SRRM4: variants seen among roughly 807,000 people sequenced by gnomAD.
The protein encoded by SRRM4 is serine/arginine repetitive matrix protein 4.
SRRM4 carries 33 observed loss-of-function variants against 68.9 expected under a neutral mutation model. The ratio of observed to expected loss-of-function variants is 0.48; its 90% CI spans 0.36 to 0.64. The LOEUF is 0.64. Ranked by LOEUF, SRRM4 falls within the 30% of genes least tolerant of loss-of-function variation. The pLI is 0.00. For missense variants in SRRM4, 817 were observed against 827.1 expected, an observed-to-expected ratio of 0.99 and a Z score of 0.15; for synonymous variants, 318 against 318.8, an observed-to-expected ratio of 1.00 and a Z score of 0.03.
In SRRM4 at chr12:119,130,747, C is replaced by T. The variant is rs765927180; in HGVS notation, c.684C>T (p.Thr228=). 6.2e-7 allele frequency: 1 copy of T among 1,611,392 alleles called. No individual in the cohort carries two copies. Among genetic ancestry groups the T allele is most frequent in the Non-Finnish European group, 8.5e-7 (1 of 1,179,852 alleles). The change falls in exon 8 of 13, where the codon ACC becomes ACT. Residue 228 remains threonine, a synonymous_variant. Transcript: ENST00000267260. ...RRRHSRRCSK[T]LCKDSPEAQS... ...GGCACTCCCGCCGCTGCTCCAAGAC[C>T]CTCTGCAAGGACAGCCCTGAGGCCC... is the stretch of plus-strand genomic sequence containing the variant.
At chr12:119,120,403 T>G in intron 5 of SRRM4, 127 bp downstream of exon 5, 1 of 988,636 alleles carries the variant, frequency 1.0e-6, no homozygotes, top group African/African-American at 1.7e-5. Context: ...TTCCTGGGCC[T>G]CAGTTTCCTC....
chr12:119,132,929 G>C (rs1232512017), intron 8 of SRRM4: 2 of 152,160 alleles, frequency 1.3e-5, no homozygotes, highest in Non-Finnish European at 2.9e-5. Context: ...AAATGTTTCT[G>C]AGCTGTACTT....
intron 1 of SRRM4, among the ~76,000 whole-genome samples, chr12:119,048,829 C>T (rs1473272314): frequency 6.6e-6 from 1 of 152,142 alleles, no homozygotes; most frequent in Non-Finnish European, 1.5e-5. Context: ...GAGGCTGAGG[C>T]AGGAGAATCA....
intron 1 of SRRM4, among the ~76,000 whole-genome samples, chr12:119,046,267 G>A (rs1356171086): frequency 6.6e-6 from 1 of 151,952 alleles, no homozygotes; most frequent in African/African-American, 2.4e-5. Flanking sequence ...AGCAGGAGGA[G>A]GAAAGTCCAA....
At chr12:119,137,316 C>G (rs879572191) in intron 8 of SRRM4, among the ~76,000 whole-genome samples, 3 of 152,128 alleles carry the variant, frequency 2.0e-5, no homozygotes, top group Non-Finnish European at 4.4e-5. Context: ...TCCTATTAGG[C>G]CGTGCTGCCT....
intron 2 of SRRM4, among the ~76,000 whole-genome samples, chr12:119,110,102 G>C: frequency 6.6e-6 from 1 of 152,116 alleles, no homozygotes; most frequent in East Asian, 1.9e-4. Context: ...TCCAGACACT[G>C]TTTGCCTGGG....
At chr12:119,081,617 T>C (rs1953948176) in intron 1 of SRRM4, among the ~76,000 whole-genome samples, 1 of 152,180 alleles carries the variant, frequency 6.6e-6, no homozygotes, top group African/African-American at 2.4e-5. Context: ...AGCACCATGA[T>C]GTGGCTTAAT....
At chr12:119,002,582 G>A (rs984455189) in intron 1 of SRRM4, among the ~76,000 whole-genome samples, 6 of 152,126 alleles carry the variant, frequency 3.9e-5, no homozygotes, top group Non-Finnish European at 8.8e-5. Context: ...CCATTTGTGG[G>A]GCAAACAAGT....
chr12:119,002,752 A>G (rs1454464811), intron 1 of SRRM4, among the ~76,000 whole-genome samples: 1 of 152,074 alleles, frequency 6.6e-6, no homozygotes, highest in Non-Finnish European at 1.5e-5. Flanking sequence ...GGACTAGCAT[A>G]TGATACTAGG....
intron 1 of SRRM4, among the ~76,000 whole-genome samples, chr12:119,043,588 CA>C (rs74808345): frequency 0.36 from 54,823 of 151,618 alleles, 10,066 homozygotes; most frequent in Non-Finnish European, 0.38. Context: ...ATGCATACAG[CA>C]AAAAGAAGTT....
intron 1 of SRRM4, among the ~76,000 whole-genome samples, chr12:119,051,841 G>C (rs1953744827): frequency 6.6e-6 from 1 of 152,214 alleles, no homozygotes; most frequent in Admixed American, 6.5e-5. Flanking sequence ...TTTGGTGAAT[G>C]CTGCTTTACA....
At chr12:119,153,975 C>T (rs539323669) in intron 11 of SRRM4, among the ~76,000 whole-genome samples, 47 of 152,164 alleles carry the variant, frequency 3.1e-4, no homozygotes, top group African/African-American at 1.1e-3. Context: ...CACGTCCTCA[C>T]CCCTGCAGCA....
At chr12:119,104,911 C>T (rs1954097714) in intron 2 of SRRM4, among the ~76,000 whole-genome samples, 1 of 151,306 alleles carries the variant, frequency 6.6e-6, no homozygotes, top group South Asian at 2.1e-4. Context: ...TGTTGGTGTG[C>T]TGCACCCATT....
intron 1 of SRRM4, among the ~76,000 whole-genome samples, chr12:119,099,344 G>A (rs1954064415): frequency 6.6e-6 from 1 of 152,152 alleles, no homozygotes; most frequent in African/African-American, 2.4e-5. Context: ...ATATTGGCCA[G>A]GCTGGTCTCA....
In SRRM4 at chr12:119,162,585, A is replaced by G. The variant is rs908573686; in HGVS notation, c.*5787A>G. On this transcript the variant is annotated 3_prime_UTR_variant, in exon 13 of 13. Coordinates refer to ENST00000267260, the MANE Select transcript of SRRM4 (RefSeq NM_194286.4). ...CTCAGATCAGCTTGACTCAATGTCCAACATTCCCTTGGTAGCTTTTTCTCC... is the reference window on the plus strand; with the variant it reads ...CTCAGATCAGCTTGACTCAATGTCCGACATTCCCTTGGTAGCTTTTTCTCC... The G allele has an allele frequency of 6.6e-6, 1 of 152,208 alleles. No individual in the cohort carries two copies. Among genetic ancestry groups the G allele is most frequent in the Non-Finnish European group, 1.5e-5 (1 of 68,052 alleles). 9.4% of individuals were successfully genotyped at this position (152,208 alleles called of 1,614,324 possible). A position where few individuals can be genotyped will look rare whatever the true frequency, so the allele number is the denominator to read the frequency against.
chr12:119,092,330 T>C (rs1273272188), intron 1 of SRRM4, among the ~76,000 whole-genome samples: 1 of 152,174 alleles, frequency 6.6e-6, no homozygotes, highest in Non-Finnish European at 1.5e-5. Flanking sequence ...TGATCTCTTC[T>C]CTGAACTCCA....
Position 119,154,215 on chromosome 12 carries a change from T to G in SRRM4, c.1392-28T>G. The G allele has an allele frequency of 6.3e-7, 1 of 1,575,840 alleles. No individual in the cohort carries two copies. The highest frequency in any genetic ancestry group is 8.6e-7 in the Non-Finnish European group (1 of 1,158,034). On this transcript the variant is annotated intron_variant, in intron 11 of 12. Coordinates refer to ENST00000267260, the MANE Select transcript of SRRM4 (RefSeq NM_194286.4). The surrounding 1 kb of genome is among the most constrained non-coding windows in gnomAD (Gnocchi z 4.7). ...GCAGAAAATCCAGCCCAGCCCCAGC[T>G]CCCCAGTAACCCCCCGCGCCCCTTC... is the stretch of plus-strand genomic sequence containing the variant.
chr12:119,125,672 A>T (rs1443202660), intron 7 of SRRM4, among the ~76,000 whole-genome samples, 193 bp downstream of exon 7: 2 of 151,910 alleles, frequency 1.3e-5, no homozygotes, highest in Non-Finnish European at 2.9e-5. Context: ...CTGTAATGCT[A>T]GCACTTTGGG....
chr12:119,122,537 T>C (rs985161512), intron 6 of SRRM4, among the ~76,000 whole-genome samples: 2 of 152,158 alleles, frequency 1.3e-5, no homozygotes, highest in Non-Finnish European at 2.9e-5. Flanking sequence ...ATATATCTAG[T>C]GCATGCATTG....
Sources: allele counts gnomAD v4.1 joint callset (sites outside exome capture counted in the v4.1 genomes callset), GRCh38; gene constraint gnomAD v4.1.1; non-coding constraint Gnocchi (gnomAD v3.1); transcripts MANE v1.5; gene names NCBI Gene and HGNC (gene_info 2026-07-23, HGNC 2026-07-21).